The following PAXIP1 variants were observed in gnomAD, a reference collection of about 807,000 sequenced individuals.
PAXIP1 encodes the protein PAX-interacting protein 1.
A neutral mutation model predicts 140.6 loss-of-function variants in PAXIP1; 19 were observed. The ratio of observed to expected loss-of-function variants is 0.14; its 90% CI spans 0.09 to 0.20. The LOEUF is 0.20. Among genes scored for constraint, PAXIP1 ranks in the 10% least tolerant of loss-of-function variants. PAXIP1 has a pLI of 1.00. For missense variants in PAXIP1, 920 were observed against 1,208.6 expected, an observed-to-expected ratio of 0.76 and a Z score of 3.54; for synonymous variants, 442 against 444.6, an observed-to-expected ratio of 0.99 and a Z score of 0.07.
At position 154,968,492 on chromosome 7, in the gene PAXIP1, G is replaced by T; in HGVS notation, c.1709C>A (p.Pro570His). Residue 570 changes from proline (P) to histidine (H), a missense_variant, in exon 7 of 21, where the codon CCT becomes CAT. Physicochemically the swap from Pro to His is moderately conservative, Grantham distance 77. This residue lies in a region of PAXIP1 where 133 missense variants were observed against 88.4 expected (regional missense o/e 1.50). Transcript: ENST00000404141. ...TSQALQHQVP[P>H]QQPPQQQQQQ... ...CTGCTGCTGCTGCGGGGGCTGCTGA[G>T]GTGGAACCTGATGCTGCAGCGCCTG... 9.6e-7 allele frequency: 1 copy of T among 1,038,496 alleles called. No individual in the cohort carries two copies. The highest frequency in any genetic ancestry group is 1.6e-5 in the African/African-American group (1 of 62,942). The allele number at this position is 1,038,496 out of a possible 1,614,324, so 64.3% of individuals were successfully genotyped here.
At chr7:154,996,911 C>T (rs892326392) in intron 2 of PAXIP1, among the ~76,000 whole-genome samples, 3 of 152,032 alleles carry the variant, frequency 2.0e-5, no homozygotes, top group Admixed American at 6.5e-5. Flanking sequence ...TCACCTAGGC[C>T]CCAAGGATGT....
Position 154,954,921 on chromosome 7 carries a change from T to A in PAXIP1, c.2653-498A>T, listed in dbSNP as rs1475798882. ...TGGAGAAATTAATTTGTTCTAAATGTATAATACTAGCATTTATAATTGTTT... is the reference window on the plus strand; with the variant it reads ...TGGAGAAATTAATTTGTTCTAAATGAATAATACTAGCATTTATAATTGTTT... On this transcript the variant is annotated intron_variant, in intron 15 of 20. Transcript: ENST00000404141. The surrounding 1 kb of genome is among the most constrained non-coding windows in gnomAD (Gnocchi z 5.1). 3.9e-5 allele frequency among the ~76,000 whole-genome samples: 6 copies of A among 152,236 alleles called. No individual in the cohort carries two copies. The highest frequency in any genetic ancestry group is 8.8e-5 in the Non-Finnish European group (6 of 68,040).
rs747273049 is a variant in PAXIP1, at chr7:154,973,670, C to T, written c.1074+2026G>A. ...GGAGACAAAGATTTTGTCTGTCCCA[C>T]AGCATTTCTAAACACTACGTAAACC... is the stretch of plus-strand genomic sequence containing the variant. On this transcript the variant is annotated intron_variant, in intron 6 of 20. Coordinates refer to ENST00000404141, the MANE Select transcript of PAXIP1 (RefSeq NM_007349.4). The surrounding 1 kb of genome is among the most constrained non-coding windows in gnomAD (Gnocchi z 4.0). Among the ~76,000 whole-genome samples, 1 of 152,180 alleles carries T rather than the reference C, an allele frequency of 6.6e-6. No individual in the cohort carries two copies. The highest frequency in any genetic ancestry group is 1.5e-5 in the Non-Finnish European group (1 of 68,032).
intron 14 of PAXIP1, 87 bp from the exon 15 acceptor site, chr7:154,955,718 T>G: frequency 4.7e-6 from 3 of 632,524 alleles, no homozygotes; most frequent in Non-Finnish European, 8.0e-6. Context: ...ATTTCATTAG[T>G]TTAACAAGCT....
At chr7:154,948,183 G>A in intron 16 of PAXIP1, 180 bp from the exon 17 acceptor site, 4 of 575,594 alleles carry the variant, frequency 6.9e-6, no homozygotes, top group South Asian at 4.3e-5. Flanking sequence ...AAAACAGCCA[G>A]ACCAAAAAGA....
chr7:155,000,160 A>T (rs890082805), intron 1 of PAXIP1: 2 of 151,960 alleles, frequency 1.3e-5, no homozygotes, highest in Non-Finnish European at 2.9e-5. Context: ...TCCAACCTCA[A>T]AAAAAAATAA....
intron 16 of PAXIP1, chr7:154,949,995 T>C (rs532924699): frequency 6.6e-6 from 1 of 152,296 alleles, no homozygotes; most frequent in South Asian, 2.1e-4. Context: ...TTTGGTTTTT[T>C]CAAACAGGGT....
Position 154,946,507 on chromosome 7 carries a change from C to T in PAXIP1, c.3133+5G>A. 1.9e-6 allele frequency: 3 copies of T among 1,613,642 alleles called. No homozygotes were observed. The highest frequency in any genetic ancestry group is 2.5e-6 in the Non-Finnish European group (3 of 1,179,574). On this transcript the variant is annotated splice_donor_5th_base_variant and intron_variant, in intron 19 of 20. Coordinates refer to ENST00000404141, the MANE Select transcript of PAXIP1 (RefSeq NM_007349.4). The surrounding 1 kb of genome is among the most constrained non-coding windows in gnomAD (Gnocchi z 4.9). ...ATACTCACACAGGTAAGCGGGGAAA[C>T]GTACCTATGCCTCTGGCAAAATATT...
intron 1 of PAXIP1, 58 bp downstream of exon 1, chr7:155,002,789 GAC>G: frequency 2.1e-6 from 2 of 967,490 alleles, no homozygotes; most frequent in South Asian, 2.1e-5. Flanking sequence ...CGGGGACGGG[GAC>G]GGGGACGGAC....
intron 6 of PAXIP1, among the ~76,000 whole-genome samples, chr7:154,970,993 T>C (rs1053216166): frequency 6.6e-6 from 1 of 152,174 alleles, no homozygotes; most frequent in African/African-American, 2.4e-5. Flanking sequence ...GCTCCCCGCC[T>C]CTCTGTACCT....
At chr7:154,993,075 A>G (rs1444300881) in intron 3 of PAXIP1, among the ~76,000 whole-genome samples, 1 of 152,234 alleles carries the variant, frequency 6.6e-6, no homozygotes, top group Non-Finnish European at 1.5e-5. Flanking sequence ...TAACAGTCCC[A>G]TGAAGAATTA....
chr7:155,001,721 C>T (rs1337818741), intron 1 of PAXIP1: 2 of 152,290 alleles, frequency 1.3e-5, no homozygotes, highest in Non-Finnish European at 2.9e-5. Flanking sequence ...TGGTCTCGAA[C>T]TCATGACCTC....
Position 154,960,899 on chromosome 7 carries a change from G to A in PAXIP1, c.2428C>T (p.Leu810Phe). The A allele has an allele frequency of 6.4e-7, 1 of 1,571,494 alleles. No homozygotes were observed. The highest frequency in any genetic ancestry group is 8.6e-7 in the Non-Finnish European group (1 of 1,160,632). ...FAPTQHLVLNLLDAWRVPLKV... is the reference protein window; with the variant it reads ...FAPTQHLVLNFLDAWRVPLKV... The stretch of plus-strand genomic sequence containing the variant: ...CATGTAGAATTTCACTTACCTAAAA[G>A]ATTTAAAACTAAATGCTGGGTAGGG... The change falls in exon 12 of 21, where the codon CTT (leucine) becomes TTT (phenylalanine). Residue 810 changes from leucine to phenylalanine, a missense_variant. Leu to Phe is a conservative substitution (Grantham distance 22). Around this residue, in one of 5 missense-constraint regions of PAXIP1, gnomAD observed 303 missense variants for 517.9 expected, o/e 0.59. Transcript: ENST00000404141.
intron 2 of PAXIP1, among the ~76,000 whole-genome samples, chr7:154,997,288 C>G (rs981068343): frequency 6.6e-6 from 1 of 152,188 alleles, no homozygotes; most frequent in Non-Finnish European, 1.5e-5. Context: ...GTTACCCAGA[C>G]TGGAGTACAG....
rs1323403429 is a variant in PAXIP1, at chr7:154,986,751, T to C, written c.325-3419A>G. 1.3e-5 allele frequency among the ~76,000 whole-genome samples: 2 copies of C among 152,208 alleles called. No homozygotes were observed. The highest frequency in any genetic ancestry group is 4.8e-5 in the African/African-American group (2 of 41,452). On this transcript the variant is annotated intron_variant, in intron 4 of 20. Coordinates refer to ENST00000404141, the MANE Select transcript of PAXIP1 (RefSeq NM_007349.4). This position sits in a 1 kb window ranked among gnomAD's most constrained non-coding sequence, Gnocchi z 4.8. ...CAACTTAAAAGAAATGCTTTTATTT[T>C]ACCCCATGACACACTGGGGATTCCA...
intron 6 of PAXIP1, among the ~76,000 whole-genome samples, chr7:154,970,691 T>C (rs773788629): frequency 1.3e-4 from 20 of 152,182 alleles, no homozygotes; most frequent in Admixed American, 1.0e-3. Context: ...CTAAGAAGCA[T>C]GCACGTGTGG....
chr7:154,972,892 T>C (rs1484237865), intron 6 of PAXIP1, among the ~76,000 whole-genome samples: 1 of 152,244 alleles, frequency 6.6e-6, no homozygotes, highest in African/African-American at 2.4e-5. Context: ...CCTGTCATTC[T>C]TTATGGCCTT....
chr7:154,964,102 T>G, intron 8 of PAXIP1: 1 of 195,914 alleles, frequency 5.1e-6, no homozygotes, highest in Non-Finnish European at 1.1e-5. Context: ...GGAGGATGTT[T>G]GGCAGTGTCC....
intron 2 of PAXIP1, among the ~76,000 whole-genome samples, chr7:154,998,325 A>G (rs972589999): frequency 5.3e-5 from 8 of 152,170 alleles, no homozygotes; most frequent in African/African-American, 1.9e-4. Context: ...CTGGCCCAAC[A>G]TGTTGAAACC....
Sources: gnomAD v4.1 joint callset for allele counts (sites outside exome capture counted in the v4.1 genomes callset) on GRCh38, gnomAD v4.1.1 for gene constraint, gnomAD v4.1.1 regional missense constraint, Gnocchi (gnomAD v3.1) non-coding constraint, MANE v1.5 for transcripts, NCBI Gene and HGNC (gene_info 2026-07-23, HGNC 2026-07-21) for gene names.